Variants in ORAI3 observed in about 807,000 individuals in gnomAD.
ORAI3 encodes protein orai-3.
ORAI3 carries 15 observed loss-of-function variants against 17.2 expected under a neutral mutation model. The observed-to-expected ratio is 0.87, with a 90% CI of 0.58 to 1.34. ORAI3 has a LOEUF of 1.34. Among genes scored for constraint, ORAI3 ranks in the 40% most tolerant of loss-of-function variants. The pLI is 0.00. For synonymous variants in ORAI3, 178 were observed against 172.4 expected (o/e 1.03, Z -0.25); for missense variants, 405 against 396.7 (o/e 1.02, Z -0.18).
chr16:30,953,471 T>C lies in ORAI3; in HGVS notation c.515T>C (p.Val172Ala), dbSNP rs1167043068. 6.2e-7 allele frequency: 1 copy of C among 1,614,232 alleles called. No homozygotes were observed. The highest frequency in any genetic ancestry group is 1.1e-5 in the South Asian group (1 of 91,082). The change falls in exon 2 of 2, where the codon GTC (valine) becomes GCC (alanine). Residue 172 changes from valine to alanine, a missense_variant. By Grantham distance (64) the Val-to-Ala change is moderately conservative. Transcript: ENST00000318663. The part of the protein sequence containing the change: ...FLAEVVLVGW[V>A]KFVPIGAPLD... ...GCTGAAGTTGTCCTGGTTGGTTGGG[T>C]CAAGTTTGTGCCCATTGGGGCTCCC...
In ORAI3 at chr16:30,953,344, C is replaced by G; in HGVS notation, c.388C>G (p.His130Asp). The stretch of plus-strand genomic sequence containing the variant: ...CCACATTGAAGCTGTGAGCAACATC[C>G]ACAACCTCAACTCTGTCCACCAGTC... Reference protein sequence around the residue: ...LPHIEAVSNIHNLNSVHQSPH... With the variant: ...LPHIEAVSNIDNLNSVHQSPH... Residue 130 changes from histidine (H) to aspartate (D), a missense_variant, in exon 2 of 2, where the codon CAC (histidine) becomes GAC (aspartate). His to Asp is a moderately conservative substitution (Grantham distance 81). Transcript: ENST00000318663. 1 of 1,614,192 alleles carries G rather than the reference C, an allele frequency of 6.2e-7. No homozygotes were observed. Among genetic ancestry groups the G allele is most frequent in the African/African-American group, 1.3e-5 (1 of 75,054 alleles).
At position 30,954,038 on chromosome 16, in the gene ORAI3, G is replaced by A; in HGVS notation, c.*194G>A. ...TTGGGGCAGCTCCCACATTCCCAGG[G>A]ATTTTCCCCATCAGTCTGTCCCTTG... On this transcript the variant is annotated 3_prime_UTR_variant, in exon 2 of 2. Coordinates refer to ENST00000318663, the MANE Select transcript of ORAI3 (RefSeq NM_152288.3). The A allele has an allele frequency of 1.4e-6, 1 of 723,236 alleles. No homozygotes were observed. Among genetic ancestry groups the A allele is most frequent in the Non-Finnish European group, 2.5e-6 (1 of 403,868 alleles). 44.8% of individuals were successfully genotyped at this position (723,236 alleles called of 1,614,324 possible).
Position 30,949,364 on chromosome 16 carries a change from C to T in ORAI3, c.75C>T (p.Ala25=). The change falls in exon 1 of 2, where the codon GCC becomes GCT. Residue 25 remains alanine, a synonymous_variant. Coordinates refer to ENST00000318663, the MANE Select transcript of ORAI3 (RefSeq NM_152288.3). ...AGGGCGAGAGCCCTGCAGGCTCGGCCACGTACCGGGAGTTCGTGCACCGCG... is the reference window on the plus strand; with the variant it reads ...AGGGCGAGAGCCCTGCAGGCTCGGCTACGTACCGGGAGTTCGTGCACCGCG... The part of the protein sequence containing the change: ...NPEGESPAGS[A]TYREFVHRGY... 6.4e-7 allele frequency: 1 copy of T among 1,564,008 alleles called. No homozygotes were observed. The highest frequency in any genetic ancestry group is 8.6e-7 in the Non-Finnish European group (1 of 1,156,776).
chr16:30,953,120 A>G (rs2055932003), intron 1 of ORAI3, 65 bp from the exon 2 acceptor site: 19 of 1,468,778 alleles, frequency 1.3e-5, no homozygotes, highest in Non-Finnish European at 1.7e-5. Context: ...GTATCCCGAT[A>G]GGCGGAAAAA....
chr16:30,949,283 C>CA lies in ORAI3; in HGVS notation c.-7_-6insA, dbSNP rs2055908843. 3 of 1,400,764 alleles carry CA rather than the reference C, an allele frequency of 2.1e-6. No homozygotes were observed. The highest frequency in any genetic ancestry group is 2.8e-6 in the Non-Finnish European group (3 of 1,083,338). 86.8% of individuals were successfully genotyped at this position (1,400,764 alleles called of 1,614,324 possible). On this transcript the variant is annotated 5_prime_UTR_variant, in exon 1 of 2. Transcript: ENST00000318663. ...TAGTGACCGCCTGGTGCCGCCCCCC[C>CA]CCCAGGATGAAGGGCGGCGAGGGGG...
Position 30,954,083 on chromosome 16 carries a change from C to T in ORAI3, c.*239C>T, listed in dbSNP as rs1470813387. The T allele has an allele frequency of 5.7e-6, 4 of 704,248 alleles. No homozygotes were observed. The Admixed American group carries it at 6.0e-5, about 11-fold the overall frequency. 43.6% of individuals were successfully genotyped at this position (704,248 alleles called of 1,614,324 possible). ...CCCTTGGGTTTTGCAAGCTACTCTGCACCTGGGCTGGCCTCAGTTGAAGGA... is the reference window on the plus strand; with the variant it reads ...CCCTTGGGTTTTGCAAGCTACTCTGTACCTGGGCTGGCCTCAGTTGAAGGA... On this transcript the variant is annotated 3_prime_UTR_variant, in exon 2 of 2. Transcript: ENST00000318663.
At chr16:30,951,179 G>A (rs768333479) in intron 1 of ORAI3, among the ~76,000 whole-genome samples, 3 of 152,146 alleles carry the variant, frequency 2.0e-5, no homozygotes, top group East Asian at 1.9e-4. Context: ...CAGAGCAATC[G>A]AATGGACCCT....
At position 30,953,888 on chromosome 16, in the gene ORAI3, G is replaced by C. The variant is rs781710327; in HGVS notation, c.*44G>C. On this transcript the variant is annotated 3_prime_UTR_variant, in exon 2 of 2. Transcript: ENST00000318663. ...CTCACTGCAAGCACTGCCTCCCTCCGGGGTCTGTAAGAGGCCGCAGGGGCC... is the reference window on the plus strand; with the variant it reads ...CTCACTGCAAGCACTGCCTCCCTCCCGGGTCTGTAAGAGGCCGCAGGGGCC... 2.1e-5 allele frequency: 33 copies of C among 1,573,970 alleles called. No homozygotes were observed. The highest frequency in any genetic ancestry group is 2.7e-5 in the African/African-American group (2 of 74,076).
intron 1 of ORAI3, among the ~76,000 whole-genome samples, chr16:30,952,069 TTTTCC>T (rs1011065123): frequency 1.1e-4 from 16 of 150,918 alleles, no homozygotes; most frequent in African/African-American, 3.1e-4. Flanking sequence ...TTTTTCTTCC[TTTTCC>T]TTTTCCTTTC....
At chr16:30,952,490 C>T (rs996681938) in intron 1 of ORAI3, among the ~76,000 whole-genome samples, 10 of 152,110 alleles carry the variant, frequency 6.6e-5, no homozygotes, top group African/African-American at 2.4e-4. Flanking sequence ...CAGGGAGGTG[C>T]TGTTATCAAT....
intron 1 of ORAI3, 79 bp from the exon 2 acceptor site, chr16:30,953,106 T>C: frequency 7.5e-7 from 1 of 1,326,556 alleles, no homozygotes; most frequent in Non-Finnish European, 1.0e-6. Context: ...TATGTATCAG[T>C]GATGTATCCC....
chr16:30,949,574 C>CGGGGGGGGGGCAAAGGTG, intron 1 of ORAI3, 57 bp downstream of exon 1: 1 of 235,408 alleles, frequency 4.2e-6, no homozygotes, highest in Non-Finnish European at 6.5e-6. Context: ...GGGCACAGGT[C>CGGGGGGGGGGCAAAGGTG]GGGGGGGGGG....
chr16:30,949,856 C>G (rs2055915361), intron 1 of ORAI3: 4 of 227,990 alleles, frequency 1.8e-5, no homozygotes, highest in African/African-American at 9.3e-5. Context: ...AGTCCCAGTG[C>G]CAGCTTCAAA....
intron 1 of ORAI3, among the ~76,000 whole-genome samples, 194 bp from the exon 2 acceptor site, chr16:30,952,991 G>T (rs2055931514): frequency 6.6e-6 from 1 of 152,188 alleles, no homozygotes; most frequent in Non-Finnish European, 1.5e-5. Flanking sequence ...TAGGGAGGTG[G>T]GGAAACCAGA....
At position 30,953,791 on chromosome 16, in the gene ORAI3, A is replaced by G. The variant is rs1449024783; in HGVS notation, c.835A>G (p.Lys279Glu). The change falls in exon 2 of 2, where the codon AAG (lysine) becomes GAG (glutamate). Residue 279 changes from lysine (K) to glutamate (E), a missense_variant. Transcript: ENST00000318663. ...GGTGGCACACAAGACAGACCGCTAC[A>G]AGCAGGAACTAGAGGAACTGAATCG... ...SLVAHKTDRY[K>E]QELEELNRLQ... The G allele has an allele frequency of 4.3e-6, 7 of 1,613,628 alleles. 1 individual carries two copies. Among genetic ancestry groups the G allele is most frequent in the East Asian group, 2.2e-5 (1 of 44,890 alleles).
chr16:30,953,608 G>A lies in ORAI3; in HGVS notation c.652G>A (p.Ala218Thr). The A allele has an allele frequency of 6.2e-7, 1 of 1,614,166 alleles. No homozygotes were observed. Among genetic ancestry groups the A allele is most frequent in the Non-Finnish European group, 8.5e-7 (1 of 1,180,030 alleles). ...TCTCCCACGGTCCTCTGCGTCTGCA[G>A]CACCGTCCCAAGCTGAGCCAGCCTG... The part of the protein sequence containing the change: ...SNLPRSSASA[A>T]PSQAEPACPP... The change falls in exon 2 of 2, where the codon GCA becomes ACA. Residue 218 changes from alanine to threonine, a missense_variant. By Grantham distance (58) the Ala-to-Thr change is moderately conservative. Coordinates refer to ENST00000318663, the MANE Select transcript of ORAI3 (RefSeq NM_152288.3).
chr16:30,950,610 C>T (rs2055920539), intron 1 of ORAI3, among the ~76,000 whole-genome samples: 1 of 152,146 alleles, frequency 6.6e-6, no homozygotes, highest in East Asian at 1.9e-4. Context: ...TGGGCTAGTC[C>T]CTGCCCTGTC....
chr16:30,950,533 G>A (rs930132151), intron 1 of ORAI3, among the ~76,000 whole-genome samples: 5 of 152,152 alleles, frequency 3.3e-5, no homozygotes, highest in African/African-American at 1.2e-4. Flanking sequence ...AGGTACTTTG[G>A]GGAACGCACT....
rs775497005 is a variant in ORAI3, at chr16:30,949,534, G to T, written c.228+17G>T. ...TTCGCCATGGTGAGGGGCCGGGAGG[G>T]GTCACACCCGGTGGGGCAGAGCAAG... On this transcript the variant is annotated intron_variant, in intron 1 of 1. Coordinates refer to ENST00000318663, the MANE Select transcript of ORAI3 (RefSeq NM_152288.3). The T allele has an allele frequency of 2.4e-5, 36 of 1,500,760 alleles. No homozygotes were observed. Among genetic ancestry groups the T allele is most frequent in the Non-Finnish European group, 3.1e-5 (35 of 1,120,862 alleles). The allele number at this position is 1,500,760 out of a possible 1,614,324, so 93.0% of individuals were successfully genotyped here.
Sources: gnomAD v4.1 joint callset for allele counts (sites outside exome capture counted in the v4.1 genomes callset) on GRCh38, gnomAD v4.1.1 for gene constraint, MANE v1.5 for transcripts, NCBI Gene and HGNC (gene_info 2026-07-23, HGNC 2026-07-21) for gene names.